Variants in NUDT6 observed in about 807,000 individuals in gnomAD.
NUDT6 encodes the protein FAD diphosphatase NUDT6.
A neutral mutation model predicts 36.8 loss-of-function variants in NUDT6; 24 were observed. The ratio of observed to expected loss-of-function variants is 0.65; its 90% CI spans 0.47 to 0.92. NUDT6 has a LOEUF of 0.92. Among genes scored for constraint, NUDT6 ranks in the 40% least tolerant of loss-of-function variants. The probability of loss-of-function intolerance (pLI) is 0.00; values close to 1 mark genes in which losing one functional copy is unlikely to be tolerated. For missense variants in NUDT6, 388 were observed against 392.8 expected (o/e 0.99, Z 0.10); for synonymous variants, 163 against 157.0 (o/e 1.04, Z -0.29).
chr4:122,900,514 G>A (rs1727500431), intron 3 of NUDT6, among the ~76,000 whole-genome samples: 1 of 151,306 alleles, frequency 6.6e-6, no homozygotes, highest in Admixed American at 6.6e-5. Flanking sequence ...TCCCATGAGA[G>A]GCTATAATTT....
At chr4:122,915,539 G>T (rs1048643334) in intron 2 of NUDT6, among the ~76,000 whole-genome samples, 1 of 146,558 alleles carries the variant, frequency 6.8e-6, no homozygotes, top group African/African-American at 2.6e-5. Flanking sequence ...ACATTACCTC[G>T]TCCACACCCC....
Position 122,897,860 on chromosome 4 carries a change from G to A in NUDT6, c.499-182C>T, listed in dbSNP as rs1431375288. On this transcript the variant is annotated intron_variant, in intron 3 of 4. Coordinates refer to ENST00000304430, the MANE Select transcript of NUDT6 (RefSeq NM_007083.5). ...CGTTTCTTCTTTTTTTGGGGGAGCT[G>A]GTAACTGATGAAATCTTTTCCCACC... 31 of 577,892 alleles carry A rather than the reference G, an allele frequency of 5.4e-5. No homozygotes were observed. In the Admixed American group the frequency reaches 9.6e-4, roughly 18 times the overall value. The allele number at this position is 577,892 out of a possible 1,614,324, so 35.8% of individuals were successfully genotyped here. A position where few individuals can be genotyped will look rare whatever the true frequency, so the allele number is the denominator to read the frequency against.
At chr4:122,906,257 T>C (rs1214666771) in intron 3 of NUDT6, among the ~76,000 whole-genome samples, 1 of 152,194 alleles carries the variant, frequency 6.6e-6, no homozygotes. Context: ...GGGGTATTCA[T>C]ATTGTGCCTT....
intron 4 of NUDT6, chr4:122,895,599 T>C (rs1727325129): frequency 6.6e-6 from 1 of 152,226 alleles, no homozygotes; most frequent in Non-Finnish European, 1.5e-5. Flanking sequence ...AATACGATTT[T>C]TTAAGAAGGC....
intron 2 of NUDT6, among the ~76,000 whole-genome samples, chr4:122,913,927 A>G (rs1371728641): frequency 6.6e-6 from 1 of 152,160 alleles, no homozygotes; most frequent in Non-Finnish European, 1.5e-5. Flanking sequence ...TACTTTCTAC[A>G]TATTTGTCCA....
At chr4:122,904,267 C>A (rs1421176733) in intron 3 of NUDT6, among the ~76,000 whole-genome samples, 1 of 151,810 alleles carries the variant, frequency 6.6e-6, no homozygotes, top group Admixed American at 6.6e-5. Context: ...AAGTCCTATA[C>A]CCCTGTATCC....
chr4:122,903,691 G>A lies in NUDT6; in HGVS notation c.499-6013C>T, dbSNP rs367631136. 2.8e-4 allele frequency among the ~76,000 whole-genome samples: 42 copies of A among 152,340 alleles called. No homozygotes were observed. The South Asian group carries it at 6.6e-3, about 24-fold the overall frequency. The stretch of plus-strand genomic sequence containing the variant: ...TCCACCATTAGACTGCAAGGCTGGA[G>A]GAGGAAGGGACTAGCTCCTTAATGT... On this transcript the variant is annotated intron_variant, in intron 3 of 4. Coordinates refer to ENST00000304430, the MANE Select transcript of NUDT6 (RefSeq NM_007083.5).
At chr4:122,912,329 A>G (rs1222678734) in intron 3 of NUDT6, among the ~76,000 whole-genome samples, 2 of 152,220 alleles carry the variant, frequency 1.3e-5, no homozygotes, top group African/African-American at 2.4e-5. Flanking sequence ...ACAGTCATTT[A>G]TAATTTTCCT....
At chr4:122,893,461 G>T in intron 4 of NUDT6, 1 of 400,064 alleles carries the variant, frequency 2.5e-6, no homozygotes, top group Non-Finnish European at 4.4e-6. Context: ...CTGCTACTTG[G>T]AGGCTTATCT....
Position 122,892,661 on chromosome 4 carries a change from C to T in NUDT6, c.*167G>A. On this transcript the variant is annotated 3_prime_UTR_variant, in exon 5 of 5. Coordinates refer to ENST00000304430, the MANE Select transcript of NUDT6 (RefSeq NM_007083.5). ...AGCAATGATCTTTTTCACGCATTTG[C>T]TTTATTCGAAAAGAGGCTTTTAAAA... The T allele has an allele frequency of 7.2e-7, 1 of 1,395,962 alleles. No individual in the cohort carries two copies. Among genetic ancestry groups the T allele is most frequent in the East Asian group, 2.5e-5 (1 of 39,664 alleles). The allele number at this position is 1,395,962 out of a possible 1,614,324, so 86.5% of individuals were successfully genotyped here.
intron 1 of NUDT6, chr4:122,921,296 CA>C (rs1560776344): frequency 6.6e-6 from 1 of 152,150 alleles, no homozygotes; most frequent in East Asian, 1.9e-4. Context: ...GATAGCCCAA[CA>C]GGGTGACTAT....
chr4:122,895,722 A>G (rs1006301133), intron 4 of NUDT6: 1 of 152,132 alleles, frequency 6.6e-6, no homozygotes. Flanking sequence ...TATTTAAAAA[A>G]CACTATGGAT....
At chr4:122,909,691 G>C (rs1012602438) in intron 3 of NUDT6, among the ~76,000 whole-genome samples, 6 of 152,084 alleles carry the variant, frequency 3.9e-5, no homozygotes, top group Non-Finnish European at 7.4e-5. Flanking sequence ...CAGGTTCTAA[G>C]AGCCACCAAA....
chr4:122,896,948 G>C (rs902568482), intron 4 of NUDT6: 3 of 152,080 alleles, frequency 2.0e-5, no homozygotes, highest in Non-Finnish European at 4.4e-5. Flanking sequence ...TTAAGGAATA[G>C]GTAGGAAAAT....
At chr4:122,914,501 C>T (rs12513181) in intron 2 of NUDT6, among the ~76,000 whole-genome samples, 1 of 151,970 alleles carries the variant, frequency 6.6e-6, no homozygotes, top group African/African-American at 2.4e-5. Flanking sequence ...ACAATTTGAG[C>T]GACCTCTGCT....
At chr4:122,900,057 A>ACACC (rs376050692) in intron 3 of NUDT6, among the ~76,000 whole-genome samples, 6,511 of 88,194 alleles carry the variant, frequency 0.074, 288 homozygotes, top group East Asian at 0.31. Context: ...CACCCCCGCC[A>ACACC]CCCCCCCCCC....
intron 3 of NUDT6, chr4:122,897,903 A>G (rs956968770): frequency 7.6e-6 from 4 of 523,532 alleles, no homozygotes; most frequent in African/African-American, 5.8e-5. Flanking sequence ...TTCAGGAAAT[A>G]TAAGTGGTTT....
At chr4:122,900,777 C>G (rs1727505965) in intron 3 of NUDT6, among the ~76,000 whole-genome samples, 1 of 152,026 alleles carries the variant, frequency 6.6e-6, no homozygotes, top group Non-Finnish European at 1.5e-5. Flanking sequence ...TTACACTTTT[C>G]CAGGGCTCAC....
chr4:122,922,551 C>T lies in NUDT6; in HGVS notation c.22G>A (p.Gly8Ser), dbSNP rs748161081. The change falls in exon 1 of 5, where the codon GGC becomes AGC. Residue 8 changes from glycine (G) to serine (S), a missense_variant. Transcript: ENST00000304430. MRQPLSW[G>S]RWRAMLARTY... The stretch of plus-strand genomic sequence containing the variant: ...CGGGCAAGCATCGCGCGCCAGCGGC[C>T]CCAGCTCAGTGGCTGCCGCATCTCC... The T allele has an allele frequency of 5.7e-5, 92 of 1,601,172 alleles. No individual in the cohort carries two copies. In the East Asian group the frequency reaches 1.7e-3, roughly 30 times the overall value.
Sources: allele counts gnomAD v4.1 joint callset (sites outside exome capture counted in the v4.1 genomes callset), GRCh38; gene constraint gnomAD v4.1.1; transcripts MANE v1.5; gene names NCBI Gene and HGNC (gene_info 2026-07-23, HGNC 2026-07-21).